Variants in MFN2 observed in about 807,000 individuals in gnomAD.
The protein encoded by MFN2 is mitofusin-2.
Under a neutral mutation model 87.5 loss-of-function variants are expected in MFN2, and 43 were observed. The observed-to-expected ratio is 0.49, with a 90% confidence interval of 0.38 to 0.63. The LOEUF is 0.63. MFN2 is among the 30% of genes least tolerant of loss of function. MFN2 has a pLI of 0.00. For synonymous variants in MFN2, 337 were observed against 359.9 expected, an observed-to-expected ratio of 0.94 and a Z score of 0.72; for missense variants, 743 against 972.8, an observed-to-expected ratio of 0.76 and a Z score of 3.14.
At chr1:11,995,095 A>G (rs1638852480) in intron 4 of MFN2, among the ~76,000 whole-genome samples, 1 of 152,082 alleles carries the variant, frequency 6.6e-6, no homozygotes, top group South Asian at 2.1e-4. Flanking sequence ...TTTAAAAATT[A>G]GCTGGGCGTG....
At chr1:12,005,678 G>A in intron 14 of MFN2, 33 bp from the exon 15 acceptor site, 1 of 1,603,540 alleles carries the variant, frequency 6.2e-7, no homozygotes, top group Non-Finnish European at 8.5e-7. Context: ...GGGCTGAGCT[G>A]ATAAGCTTTT....
At chr1:11,987,530 T>C (rs1235101033) in intron 2 of MFN2, among the ~76,000 whole-genome samples, 1 of 149,624 alleles carries the variant, frequency 6.7e-6, no homozygotes, top group Non-Finnish European at 1.5e-5. Flanking sequence ...CTTGGGAGGC[T>C]GAGGCAGGAG....
At position 12,004,535 on chromosome 1, in the gene MFN2, C is replaced by T. The variant is rs781529421; in HGVS notation, c.1314C>T (p.Ile438=). The T allele has an allele frequency of 6.2e-7, 1 of 1,614,140 alleles. No homozygotes were observed. The highest frequency in any genetic ancestry group is 1.1e-5 in the South Asian group (1 of 91,064). The part of the protein sequence containing the change: ...RQVSTAMAEE[I]RRLSVLVDDY... ...TGTCGACTGCAATGGCCGAGGAGAT[C>T]AGGCGCCTCTCTGTACTGGTGGACG... Residue 438 remains isoleucine (I), a synonymous_variant, in exon 13 of 19, where the codon ATC becomes ATT. Coordinates refer to ENST00000235329, the MANE Select transcript of MFN2 (RefSeq NM_014874.4). The surrounding 1 kb of genome is among the most constrained non-coding windows in gnomAD (Gnocchi z 4.2).
intron 17 of MFN2, among the ~76,000 whole-genome samples, chr1:12,009,386 C>T (rs1458685089): frequency 6.6e-6 from 1 of 152,150 alleles, no homozygotes. Flanking sequence ...GCTTCTCAGG[C>T]CGTGGTGATG....
Position 12,013,340 on chromosome 1 carries a change from G to A in MFN2, c.*1775G>A, listed in dbSNP as rs563025813. ...CTTTCTGAAAGAAGTATGGCCAAAA[G>A]CACTTTAATGCTGCTGACATTGTTG... On this transcript the variant is annotated 3_prime_UTR_variant, in exon 19 of 19. Transcript: ENST00000235329. 2.3e-5 allele frequency: 11 copies of A among 471,066 alleles called. No individual in the cohort carries two copies. The highest frequency in any genetic ancestry group is 1.6e-4 in the African/African-American group (8 of 50,186). The allele number at this position is 471,066 out of a possible 1,614,324, so 29.2% of individuals were successfully genotyped here.
chr1:11,992,967 C>CCTTTT (rs111638998), intron 4 of MFN2, among the ~76,000 whole-genome samples: 2 of 143,992 alleles, frequency 1.4e-5, no homozygotes, highest in African/African-American at 5.1e-5. Flanking sequence ...TCAAGCCTGA[C>CCTTTT]TTTTTTTTTT....
At chr1:11,988,063 A>G (rs1234032339) in intron 2 of MFN2, among the ~76,000 whole-genome samples, 1 of 151,184 alleles carries the variant, frequency 6.6e-6, no homozygotes, top group African/African-American at 2.4e-5. Flanking sequence ...CCTGTGCTAT[A>G]CTAAAATAGA....
At chr1:11,988,391 C>T (rs1638519186) in intron 2 of MFN2, among the ~76,000 whole-genome samples, 1 of 147,988 alleles carries the variant, frequency 6.8e-6, no homozygotes, top group Non-Finnish European at 1.5e-5. Context: ...GCATAACCCA[C>T]CATGCCTGGC....
At chr1:11,998,432 C>T (rs1639024450) in intron 6 of MFN2, among the ~76,000 whole-genome samples, 1 of 151,886 alleles carries the variant, frequency 6.6e-6, no homozygotes, top group Non-Finnish European at 1.5e-5. Flanking sequence ...CCTGTAGTGC[C>T]AGCTACTTGG....
intron 8 of MFN2, among the ~76,000 whole-genome samples, chr1:12,000,954 A>C (rs1557526835): frequency 6.6e-6 from 1 of 152,236 alleles, no homozygotes; most frequent in Non-Finnish European, 1.5e-5. Flanking sequence ...GTGAGAGAGC[A>C]GAATAGTGGG....
chr1:12,008,578 C>T (rs1345588338), intron 17 of MFN2, among the ~76,000 whole-genome samples: 2 of 149,048 alleles, frequency 1.3e-5, no homozygotes, highest in African/African-American at 5.0e-5. Flanking sequence ...GGGGCGGCTG[C>T]CGGGCAGAGA....
In MFN2 at chr1:12,011,897, A is replaced by G. The variant is rs1018027685; in HGVS notation, c.*332A>G. 20 of 410,036 alleles carry G rather than the reference A, an allele frequency of 4.9e-5. No individual in the cohort carries two copies. The highest frequency in any genetic ancestry group is 3.8e-4 in the African/African-American group (19 of 49,596). The allele number at this position is 410,036 out of a possible 1,614,324, so 25.4% of individuals were successfully genotyped here. ...AGGCCTCAGGATCTCAGCATTGCAC[A>G]ATGCCTCATGGAAGCCTTTGAGGGT... On this transcript the variant is annotated 3_prime_UTR_variant, in exon 19 of 19. Transcript: ENST00000235329.
At chr1:11,991,923 CAAAAAAAAAAAA>C (rs35314016) in intron 3 of MFN2, among the ~76,000 whole-genome samples, 328 of 16,746 alleles carry the variant, frequency 0.02, 2 homozygotes, top group Non-Finnish European at 0.032. Flanking sequence ...GACTCCGTCT[CAAAAAAAAAAAA>C]AAAAAAAAAA....
In MFN2 at chr1:12,001,775, C is replaced by T. The variant is rs778350613; in HGVS notation, c.977C>T (p.Ala326Val). 2.2e-5 allele frequency: 36 copies of T among 1,614,044 alleles called. No homozygotes were observed. The highest frequency in any genetic ancestry group is 9.9e-5 in the South Asian group (9 of 91,078). The part of the protein sequence containing the change: ...KAQGMPEGGG[A>V]LAEGFQVRMF... ...TGCAGTACAATCCTCCTAGGGGGCG[C>T]TCTCGCAGAAGGCTTTCAAGTGAGG... Residue 326 changes from alanine (A) to valine (V), a missense_variant, in exon 10 of 19, where the codon GCT becomes GTT. This residue lies in a region of MFN2 where 571 missense variants were observed against 670.7 expected (regional missense o/e 0.85). Transcript: ENST00000235329.
At chr1:11,996,362 A>G (rs771268722) in intron 5 of MFN2, 44 bp downstream of exon 5, 120 of 1,612,034 alleles carry the variant, frequency 7.4e-5, no homozygotes, top group Non-Finnish European at 9.9e-5. Context: ...CTGCTGGGGG[A>G]GCAAGTCCTC....
Position 12,005,637 on chromosome 1 carries a change from T to C in MFN2, c.1496-74T>C, listed in dbSNP as rs377757590. 5 of 1,454,208 alleles carry C rather than the reference T, an allele frequency of 3.4e-6. No homozygotes were observed. The African/African-American group carries it at 5.6e-5, about 16-fold the overall frequency. 90.1% of individuals were successfully genotyped at this position (1,454,208 alleles called of 1,614,324 possible). A position where few individuals can be genotyped will look rare whatever the true frequency, so the allele number is the denominator to read the frequency against. On this transcript the variant is annotated intron_variant, in intron 14 of 18. Coordinates refer to ENST00000235329, the MANE Select transcript of MFN2 (RefSeq NM_014874.4). ...TCCCTGGCAGTAGCTGGTAGAGCCCTGTCTCCAAGGCTTGGTGCCGCTGTG... is the reference window on the plus strand; with the variant it reads ...TCCCTGGCAGTAGCTGGTAGAGCCCCGTCTCCAAGGCTTGGTGCCGCTGTG...
At chr1:11,997,510 C>G in intron 6 of MFN2, 89 bp downstream of exon 6, 1 of 1,559,310 alleles carries the variant, frequency 6.4e-7, no homozygotes, top group Admixed American at 1.7e-5. Flanking sequence ...CCCTGGGCCC[C>G]ATCCTTGCTC....
chr1:12,000,915 C>G (rs1292904097), intron 8 of MFN2, among the ~76,000 whole-genome samples: 2 of 152,192 alleles, frequency 1.3e-5, no homozygotes, highest in African/African-American at 4.8e-5. Flanking sequence ...GCCAAGTAAC[C>G]CCCACACGTT....
intron 9 of MFN2, 71 bp downstream of exon 9, chr1:12,001,625 T>A (rs1431114652): frequency 6.2e-7 from 1 of 1,610,610 alleles, no homozygotes; most frequent in Non-Finnish European, 8.5e-7. Flanking sequence ...GAGGAGTCTG[T>A]CAGTAGAAAA....
Sources: allele counts gnomAD v4.1 joint callset (sites outside exome capture counted in the v4.1 genomes callset), GRCh38; gene constraint gnomAD v4.1.1; regional missense constraint gnomAD v4.1.1; non-coding constraint Gnocchi (gnomAD v3.1); transcripts MANE v1.5; gene names NCBI Gene and HGNC (gene_info 2026-07-23, HGNC 2026-07-21).